GSE1: variants seen among roughly 807,000 people sequenced by gnomAD.
GSE1 encodes the protein Gse1 coiled-coil protein.
GSE1 carries 32 observed loss-of-function variants against 112.6 expected under a neutral mutation model. The ratio of observed to expected loss-of-function variants is 0.28; its 90% CI spans 0.21 to 0.38. The LOEUF is 0.38. GSE1 is among the 10% of genes least tolerant of loss of function. The probability of loss-of-function intolerance (pLI) is 1.00; values close to 1 mark genes in which losing one functional copy is unlikely to be tolerated. For missense variants in GSE1, 2,348 were observed against 1,699.2 expected, an observed-to-expected ratio of 1.38 and a Z score of -6.71; for synonymous variants, 1,115 against 735.6, an observed-to-expected ratio of 1.52 and a Z score of -8.35.
intron 1 of GSE1, among the ~76,000 whole-genome samples, chr16:85,314,236 G>A (rs1356047095): frequency 1.3e-5 from 2 of 152,148 alleles, no homozygotes; most frequent in Non-Finnish European, 2.9e-5. Context: ...CATTCTGCCG[G>A]CTAGTGCCAC....
At chr16:85,503,016 T>C (rs1161343053) in intron 2 of GSE1, among the ~76,000 whole-genome samples, 1 of 152,118 alleles carries the variant, frequency 6.6e-6, no homozygotes, top group African/African-American at 2.4e-5. Flanking sequence ...AAAGGCCCCA[T>C]GAGGAGACCA....
chr16:85,487,603 C>G (rs1233247833), intron 2 of GSE1, among the ~76,000 whole-genome samples: 1 of 152,192 alleles, frequency 6.6e-6, no homozygotes, highest in Non-Finnish European at 1.5e-5. Flanking sequence ...CTGAGAACGG[C>G]AGAGCCAGGC....
At chr16:85,444,482 T>C (rs570130421) in intron 2 of GSE1, among the ~76,000 whole-genome samples, 1 of 152,084 alleles carries the variant, frequency 6.6e-6, no homozygotes, top group East Asian at 1.9e-4. Context: ...TCTGGTTTAG[T>C]TGGAGAGGCA....
chr16:85,411,764 C>A (rs1181876413), intron 2 of GSE1, among the ~76,000 whole-genome samples: 3 of 33,916 alleles, frequency 8.8e-5, no homozygotes, highest in Admixed American at 4.3e-4. Flanking sequence ...CTCACCGTTA[C>A]ACTCAGGGCC....
intron 1 of GSE1, among the ~76,000 whole-genome samples, chr16:85,206,722 A>G (rs1436955721): frequency 3.6e-5 from 5 of 140,180 alleles, no homozygotes; most frequent in Non-Finnish European, 1.5e-5. Flanking sequence ...CCATTCATTC[A>G]CAATCTCCCA....
chr16:85,621,442 C>T (rs552782443), intron 1 of GSE1, among the ~76,000 whole-genome samples: 2 of 152,336 alleles, frequency 1.3e-5, no homozygotes, highest in African/African-American at 2.4e-5. Flanking sequence ...GATGTCCTGG[C>T]GTCCTTTTTT....
At chr16:85,458,190 C>T (rs1259347202) in intron 2 of GSE1, among the ~76,000 whole-genome samples, 1 of 152,122 alleles carries the variant, frequency 6.6e-6, no homozygotes, top group African/African-American at 2.4e-5. Flanking sequence ...CATTTCTGGA[C>T]CCCCTGCAGC....
At chr16:85,554,989 G>T (rs910156393), upstream of GSE1, 14 of 985,202 alleles carry the variant, frequency 1.4e-5, no homozygotes, top group Middle Eastern at 5.2e-4. Context: ...CTCCCCGTCC[G>T]CATGGATCTG....
At chr16:85,622,835 C>T (rs920760074) in intron 1 of GSE1, among the ~76,000 whole-genome samples, 3 of 152,132 alleles carry the variant, frequency 2.0e-5, no homozygotes, top group Non-Finnish European at 2.9e-5. Context: ...GTTACCGTGT[C>T]GATGACATCT....
chr16:85,552,498 A>G (rs570059032), upstream of GSE1, among the ~76,000 whole-genome samples: 98 of 122,384 alleles, frequency 8.0e-4, 12 homozygotes, highest in African/African-American at 2.6e-3. Context: ...CGCCCGGCTA[A>G]TTTTTTTGTG....
chr16:85,239,760 C>G (rs964541535), intron 1 of GSE1, among the ~76,000 whole-genome samples: 4 of 152,240 alleles, frequency 2.6e-5, no homozygotes, highest in Non-Finnish European at 5.9e-5. Context: ...GGCTGTGATT[C>G]TGCCATATTG....
At chr16:85,202,423 G>C (rs979163875) in intron 1 of GSE1, among the ~76,000 whole-genome samples, 2 of 152,224 alleles carry the variant, frequency 1.3e-5, no homozygotes, top group Non-Finnish European at 2.9e-5. Flanking sequence ...GGGAGAGAGC[G>C]GGGGTGGGGC....
Position 85,672,209 on chromosome 16 carries a change from G to T in GSE1, c.3520-196G>T, listed in dbSNP as rs1370252325. 5.1e-6 allele frequency: 3 copies of T among 586,350 alleles called. No individual in the cohort carries two copies. The African/African-American group carries it at 5.5e-5, about 11-fold the overall frequency. The allele number at this position is 586,350 out of a possible 1,614,324, so 36.3% of individuals were successfully genotyped here. A position where few individuals can be genotyped will look rare whatever the true frequency, so the allele number is the denominator to read the frequency against. On this transcript the variant is annotated intron_variant, in intron 15 of 15. Coordinates refer to ENST00000253458, the MANE Select transcript of GSE1 (RefSeq NM_014615.5). ...GGGGTTTCCCCATGTTGGCCAGGCT[G>T]GTCTCGAACTCCTGACGACAGGTGA...
intron 2 of GSE1, among the ~76,000 whole-genome samples, chr16:85,443,557 TAAG>T (rs2049433623): frequency 6.6e-6 from 1 of 152,234 alleles, no homozygotes; most frequent in Non-Finnish European, 1.5e-5. Flanking sequence ...GGTAGAAACT[TAAG>T]TAGTATTAAT....
rs1409250337 is a variant in GSE1 at position 85,675,314 on chromosome 16, A to G, written c.*2775A>G. ...AGGGAGCTGCCATCTGTCCCTCTGC[A>G]GAGGGATACCTTCCAATAGTAAATT... On this transcript the variant is annotated 3_prime_UTR_variant, in exon 16 of 16. Transcript: ENST00000253458. 1 of 152,204 alleles carries G rather than the reference A, an allele frequency of 6.6e-6. No homozygotes were observed. The highest frequency in any genetic ancestry group is 1.5e-5 in the Non-Finnish European group (1 of 68,036). The allele number at this position is 152,204 out of a possible 1,614,324, so 9.4% of individuals were successfully genotyped here.
intron 2 of GSE1, among the ~76,000 whole-genome samples, chr16:85,399,385 G>A (rs969440883): frequency 4.6e-5 from 7 of 152,192 alleles, no homozygotes; most frequent in African/African-American, 1.4e-4. Flanking sequence ...ACGGCCTTCA[G>A]AGTGTCTAAT....
intron 1 of GSE1, among the ~76,000 whole-genome samples, chr16:85,206,671 C>T (rs558511346): frequency 1.5e-4 from 23 of 152,040 alleles, no homozygotes; most frequent in African/African-American, 4.8e-4. Flanking sequence ...TGCCCCTGCC[C>T]GTCCCCTCCC....
chr16:85,404,230 G>GC (rs552466525), intron 2 of GSE1, among the ~76,000 whole-genome samples: 1 of 81,528 alleles, frequency 1.2e-5, no homozygotes, highest in Non-Finnish European at 2.4e-5. Context: ...TACACTCAGG[G>GC]CCCCCCCGGA....
At chr16:85,280,389 C>G (rs1567659335) in intron 1 of GSE1, among the ~76,000 whole-genome samples, 2 of 151,998 alleles carry the variant, frequency 1.3e-5, no homozygotes, top group African/African-American at 2.4e-5. Flanking sequence ...GTCATATGGT[C>G]TATTTATTTA....
Sources: allele counts gnomAD v4.1 joint callset (sites outside exome capture counted in the v4.1 genomes callset), GRCh38; gene constraint gnomAD v4.1.1; transcripts MANE v1.5; gene names NCBI Gene and HGNC (gene_info 2026-07-23, HGNC 2026-07-21).